CC2D2B: variants seen among roughly 807,000 people sequenced by gnomAD.
CC2D2B encodes protein CC2D2B.
In CC2D2B, 128 loss-of-function variants were observed where a neutral mutation model predicts 161.2. The observed-to-expected ratio is 0.79, with a 90% confidence interval of 0.69 to 0.92. The LOEUF is 0.92. Among genes scored for constraint, CC2D2B ranks in the 40% least tolerant of loss-of-function variants. The pLI is 0.00. For synonymous variants in CC2D2B, 391 were observed against 449.8 expected (o/e 0.87, Z 1.65); for missense variants, 1,173 against 1,375.1 (o/e 0.85, Z 2.32).
chr10:96,010,218 G>C (rs1252094439), intron 26 of CC2D2B, among the ~76,000 whole-genome samples: 2 of 152,122 alleles, frequency 1.3e-5, no homozygotes, highest in Non-Finnish European at 2.9e-5. Context: ...TCTGATTAAT[G>C]GTGTTTCTTT....
chr10:95,993,834 GTA>G (rs369610013), intron 22 of CC2D2B, among the ~76,000 whole-genome samples: 13,165 of 109,688 alleles, frequency 0.12, 1,029 homozygotes, highest in African/African-American at 0.21. Flanking sequence ...TATAAAGAGT[GTA>G]TATATATATA....
rs74599007 is a variant in CC2D2B at position 95,973,494 on chromosome 10, T to C, written c.1796-515T>C. On this transcript the variant is annotated intron_variant, in intron 16 of 34. Coordinates refer to ENST00000646931, the MANE Select transcript of CC2D2B (RefSeq NM_001349008.3). Reference sequence around the variant, plus strand: ...TGATATTCATCTCTACATATTCATCTCAATCTTTACCTTCTCTTTTGTAGT... The same window carrying C: ...TGATATTCATCTCTACATATTCATCCCAATCTTTACCTTCTCTTTTGTAGT... Among the ~76,000 whole-genome samples, 694 of 152,204 alleles carry C rather than the reference T, an allele frequency of 4.6e-3. 3 individuals are homozygous for C. The highest frequency in any genetic ancestry group is 5.4e-3 in the Non-Finnish European group (368 of 68,004).
At chr10:96,027,170 G>A (rs1429063330) in intron 33 of CC2D2B, 42 bp from the exon 34 acceptor site, 1 of 1,350,108 alleles carries the variant, frequency 7.4e-7, no homozygotes, top group Admixed American at 2.9e-5. Context: ...TACCAAATGA[G>A]TTATAACTTG....
chr10:95,992,045 A>C (rs1280992862), intron 21 of CC2D2B, among the ~76,000 whole-genome samples: 2 of 151,916 alleles, frequency 1.3e-5, no homozygotes, highest in Non-Finnish European at 2.9e-5. Flanking sequence ...TAGGATGCTG[A>C]ACTCTATTGT....
At chr10:95,994,676 C>T (rs2078160404) in intron 22 of CC2D2B, among the ~76,000 whole-genome samples, 1 of 152,232 alleles carries the variant, frequency 6.6e-6, no homozygotes, top group Non-Finnish European at 1.5e-5. Context: ...GCGGGTGTGA[C>T]AGAGGGCTCA....
intron 4 of CC2D2B, 86 bp downstream of exon 4, chr10:95,924,476 C>T (rs976264896): frequency 1.6e-5 from 11 of 709,636 alleles, no homozygotes; most frequent in Admixed American, 6.3e-5. Context: ...TCAAAAGAGC[C>T]GAAATTCAGT....
intron 12 of CC2D2B, among the ~76,000 whole-genome samples, chr10:95,963,746 A>G (rs542747417): frequency 2.4e-4 from 37 of 152,334 alleles, no homozygotes; most frequent in African/African-American, 8.7e-4. Context: ...AGTTATTATC[A>G]GTGAAGTTCA....
intron 14 of CC2D2B, among the ~76,000 whole-genome samples, chr10:95,967,702 G>A (rs950738889): frequency 6.6e-6 from 1 of 152,050 alleles, no homozygotes; most frequent in Admixed American, 6.6e-5. Context: ...CTTTTAGAGG[G>A]CAACAGAAAG....
At chr10:96,025,164 T>TATATATAAAAAAAA (rs2079653846) in intron 33 of CC2D2B, among the ~76,000 whole-genome samples, 1 of 7,564 alleles carries the variant, frequency 1.3e-4, no homozygotes, top group Non-Finnish European at 2.2e-4. Context: ...AATATATATA[T>TATATATAAAAAAAA]ATATATATAT....
intron 26 of CC2D2B, among the ~76,000 whole-genome samples, chr10:96,010,896 A>G (rs577013009): frequency 3.9e-5 from 6 of 152,312 alleles, no homozygotes; most frequent in African/African-American, 1.4e-4. Context: ...CAAGGAGATA[A>G]CAGTGCTCTC....
At chr10:95,913,327 C>CAT (rs758432446) in intron 2 of CC2D2B, 409 of 270,158 alleles carry the variant, frequency 1.5e-3, no homozygotes, top group Middle Eastern at 5.5e-3. Flanking sequence ...TACTCCATTG[C>CAT]ATATATATAT....
intron 30 of CC2D2B, among the ~76,000 whole-genome samples, chr10:96,017,206 T>C (rs1485884783): frequency 2.0e-5 from 3 of 152,260 alleles, no homozygotes; most frequent in Non-Finnish European, 4.4e-5. Flanking sequence ...ATTTCTGAAC[T>C]GTTTCTAGCC....
At chr10:95,967,257 T>C (rs769250897) in intron 14 of CC2D2B, among the ~76,000 whole-genome samples, 11 of 152,038 alleles carry the variant, frequency 7.2e-5, no homozygotes, top group Non-Finnish European at 1.3e-4. Context: ...CTTTATTATG[T>C]AGGACACCCA....
intron 24 of CC2D2B, among the ~76,000 whole-genome samples, chr10:95,996,843 G>C (rs1214622909): frequency 6.6e-6 from 1 of 152,186 alleles, no homozygotes; most frequent in Non-Finnish European, 1.5e-5. Context: ...CCAATGCTGG[G>C]AAGTGAGGCC....
chr10:95,990,161 A>G (rs2077892244), intron 20 of CC2D2B, among the ~76,000 whole-genome samples: 1 of 152,178 alleles, frequency 6.6e-6, no homozygotes, highest in Non-Finnish European at 1.5e-5. Flanking sequence ...CCTTGAGTAT[A>G]TATTCTATAA....
At chr10:95,945,575 T>C (rs1159883221) in intron 9 of CC2D2B, among the ~76,000 whole-genome samples, 4 of 152,134 alleles carry the variant, frequency 2.6e-5, no homozygotes, top group Non-Finnish European at 5.9e-5. Context: ...TATATTTACA[T>C]AGATTTTTAT....
intron 4 of CC2D2B, 95 bp downstream of exon 4, chr10:95,924,485 G>C (rs923323513): frequency 4.6e-6 from 3 of 653,074 alleles, no homozygotes; most frequent in Non-Finnish European, 7.8e-6. Flanking sequence ...CCGAAATTCA[G>C]TGTTAATATA....
chr10:95,953,073 C>T (rs1290282361), intron 10 of CC2D2B, among the ~76,000 whole-genome samples: 1 of 152,004 alleles, frequency 6.6e-6, no homozygotes, highest in Non-Finnish European at 1.5e-5. Flanking sequence ...TTAATTAATT[C>T]ACAAGTTAAA....
Position 95,965,995 on chromosome 10 carries a change from G to C in CC2D2B, c.1350G>C (p.Leu450=), listed in dbSNP as rs1475640856. The change falls in exon 13 of 35, where the codon CTG becomes CTC. Residue 450 remains leucine (L), a synonymous_variant. Transcript: ENST00000646931. ...AAGAACTTAAGAATGGGAAAAAACT[G>C]GAGGTATTTATATTGCAAAATAACA... ...EGKELKNGKK[L]ESLSYLASDE... is the part of the protein sequence containing the mutation. The C allele has an allele frequency of 8.8e-7, 1 of 1,133,558 alleles. No homozygotes were observed. Among genetic ancestry groups the C allele is most frequent in the African/African-American group, 1.6e-5 (1 of 62,342 alleles). 70.2% of individuals were successfully genotyped at this position (1,133,558 alleles called of 1,614,324 possible).
Sources: allele counts gnomAD v4.1 joint callset (sites outside exome capture counted in the v4.1 genomes callset), GRCh38; gene constraint gnomAD v4.1.1; transcripts MANE v1.5; gene names NCBI Gene and HGNC (gene_info 2026-07-23, HGNC 2026-07-21).